COL4A4: variants seen among roughly 807,000 people sequenced by gnomAD.
The protein encoded by COL4A4 is collagen alpha-4(IV) chain.
Under a neutral mutation model 192.9 loss-of-function variants are expected in COL4A4, and 105 were observed. That is an observed-to-expected ratio of 0.54 (90% CI 0.46 to 0.64). COL4A4 has a LOEUF of 0.64. Ranked by LOEUF, COL4A4 falls within the 30% of genes least tolerant of loss-of-function variation. The probability of loss-of-function intolerance (pLI) is 0.00; values close to 1 mark genes in which losing one functional copy is unlikely to be tolerated. For missense variants in COL4A4, 1,967 were observed against 2,169.3 expected, an observed-to-expected ratio of 0.91 and a Z score of 1.85; for synonymous variants, 762 against 769.9, an observed-to-expected ratio of 0.99 and a Z score of 0.17.
At position 227,057,565 on chromosome 2, in the gene COL4A4, C is replaced by G; in HGVS notation, c.2419G>C (p.Gly807Arg). 2 of 1,614,122 alleles carry G rather than the reference C, an allele frequency of 1.2e-6. No homozygotes were observed. Among genetic ancestry groups the G allele is most frequent in the Non-Finnish European group, 1.7e-6 (2 of 1,180,026 alleles). ...GCATGTCCCTCTCTGCCTTTGGGACCTTTGAGACCTAGGAATCCAGGAATG... is the reference window on the plus strand; with the variant it reads ...GCATGTCCCTCTCTGCCTTTGGGACGTTTGAGACCTAGGAATCCAGGAATG... Reference protein sequence around the residue: ...AGIPGFLGLKGPKGREGHAGF... With the variant: ...AGIPGFLGLKRPKGREGHAGF... The change falls in exon 29 of 48, where the codon GGT becomes CGT. Residue 807 changes from glycine to arginine, a missense_variant. Physicochemically the swap from Gly to Arg is moderately radical, Grantham distance 125. Transcript: ENST00000396625.
At chr2:227,141,659 T>C (rs1329145324) in intron 3 of COL4A4, among the ~76,000 whole-genome samples, 1 of 152,186 alleles carries the variant, frequency 6.6e-6, no homozygotes, top group Non-Finnish European at 1.5e-5. Context: ...ATTAAAAGCA[T>C]ACAAGAATTT....
chr2:227,024,372 T>A (rs977967136), intron 43 of COL4A4, among the ~76,000 whole-genome samples: 1 of 151,916 alleles, frequency 6.6e-6, no homozygotes, highest in Admixed American at 6.6e-5. Context: ...ATTAGCCAGG[T>A]GTGGTGGCAC....
At chr2:227,047,345 T>A in intron 35 of COL4A4, 130 bp downstream of exon 35, 1 of 731,772 alleles carries the variant, frequency 1.4e-6, no homozygotes, top group Non-Finnish European at 2.5e-6. Flanking sequence ...ATATAACCCG[T>A]TTTATCTATA....
At chr2:227,067,451 G>T (rs2058418421) in intron 25 of COL4A4, among the ~76,000 whole-genome samples, 1 of 152,020 alleles carries the variant, frequency 6.6e-6, no homozygotes, top group African/African-American at 2.4e-5. Flanking sequence ...TTCCAAAATT[G>T]ACCACATACT....
chr2:227,022,191 G>A lies in COL4A4; in HGVS notation c.4091-18C>T, dbSNP rs368900542. Reference sequence around the variant, plus strand: ...CGGTTCACCTGAAATTGGAATCACCGCTTGTGTAATGGATGCACGTGCTTA... The same window carrying A: ...CGGTTCACCTGAAATTGGAATCACCACTTGTGTAATGGATGCACGTGCTTA... On this transcript the variant is annotated intron_variant, in intron 43 of 47. Transcript: ENST00000396625. 39 of 1,613,826 alleles carry A rather than the reference G, an allele frequency of 2.4e-5. No homozygotes were observed. Among genetic ancestry groups the A allele is most frequent in the Middle Eastern group, 3.3e-4 (2 of 6,084 alleles).
rs80243096 is a variant in COL4A4, at chr2:227,052,374, T to C, written c.2899A>G (p.Ile967Val). The C allele has an allele frequency of 8.0e-3, 12,846 of 1,612,552 alleles. 107 individuals carry two copies. The highest frequency in any genetic ancestry group is 0.046 in the African/African-American group (3,427 of 74,988). The change falls in exon 32 of 48, where the codon ATC (isoleucine) becomes GTC (valine). Residue 967 changes from isoleucine to valine, a missense_variant. By Grantham distance (29) the Ile-to-Val change is conservative. Transcript: ENST00000396625. ...GPPGDEGEMAIISQKGTPGEP... is the reference protein window; with the variant it reads ...GPPGDEGEMAVISQKGTPGEP... ...CCAGGTGTTCCCTTTTGTGAAATGATAGCCATTTCTCCTTCATCTCCGGGA... is the reference window on the plus strand; with the variant it reads ...CCAGGTGTTCCCTTTTGTGAAATGACAGCCATTTCTCCTTCATCTCCGGGA...
At chr2:226,978,090 A>G in the COL4A4 span, among the ~76,000 whole-genome samples, 5 of 152,100 alleles carry the variant, frequency 3.3e-5, no homozygotes, top group African/African-American at 1.2e-4. Flanking sequence ...TTCTACTGTG[A>G]GATAATTATC....
intron 25 of COL4A4, among the ~76,000 whole-genome samples, chr2:227,076,826 G>T (rs1399181830): frequency 1.3e-5 from 2 of 152,100 alleles, no homozygotes; most frequent in Non-Finnish European, 2.9e-5. Context: ...GTGGGTGAAG[G>T]ATATGAACAG....
chr2:227,146,031 G>C (rs1184765576), intron 2 of COL4A4, among the ~76,000 whole-genome samples: 1 of 152,206 alleles, frequency 6.6e-6, no homozygotes, highest in Non-Finnish European at 1.5e-5. Context: ...AATAGGATAT[G>C]TTGCATTTTA....
the COL4A4 span, among the ~76,000 whole-genome samples, chr2:226,986,721 C>G: frequency 1.3e-5 from 2 of 152,350 alleles, no homozygotes; most frequent in East Asian, 3.9e-4. Context: ...AATGCTTGTA[C>G]ACTGTTGGTG....
the COL4A4 span, among the ~76,000 whole-genome samples, chr2:226,975,607 T>G: frequency 2.0e-5 from 3 of 152,136 alleles, no homozygotes; most frequent in Non-Finnish European, 2.9e-5. Context: ...GGAATCTGCT[T>G]GGATTTAAAG....
chr2:227,008,419 C>T (rs1326980446), intron 46 of COL4A4, 115 bp from the exon 47 acceptor site: 6 of 1,191,266 alleles, frequency 5.0e-6, no homozygotes, highest in South Asian at 2.6e-5. Flanking sequence ...TGGAGGCCCT[C>T]GCCAAAGCCT....
At chr2:226,978,389 T>G in the COL4A4 span, among the ~76,000 whole-genome samples, 2 of 152,162 alleles carry the variant, frequency 1.3e-5, no homozygotes, top group African/African-American at 4.8e-5. Context: ...GAAACATGTG[T>G]GTACTGGTGT....
At position 227,057,548 on chromosome 2, in the gene COL4A4, C is replaced by T. The variant is rs1331695045; in HGVS notation, c.2436G>A (p.Glu812=). The T allele has an allele frequency of 3.1e-6, 5 of 1,613,994 alleles. No individual in the cohort carries two copies. In the East Asian group the frequency reaches 1.1e-4, roughly 36 times the overall value. The stretch of plus-strand genomic sequence containing the variant: ...GGACACCTGGAAACCCAGCATGTCC[C>T]TCTCTGCCTTTGGGACCTTTGAGAC... ...FLGLKGPKGR[E]GHAGFPGVPG... Residue 812 remains glutamate (E), a synonymous_variant, in exon 29 of 48, where the codon GAG becomes GAA. Coordinates refer to ENST00000396625, the MANE Select transcript of COL4A4 (RefSeq NM_000092.5).
At chr2:227,045,951 G>GTATA (rs1266576511) in intron 35 of COL4A4, among the ~76,000 whole-genome samples, 6 of 74,010 alleles carry the variant, frequency 8.1e-5, no homozygotes, top group African/African-American at 4.3e-4. Context: ...ATGTATATAT[G>GTATA]TATATATGTA....
chr2:227,069,857 A>T (rs1202477564), intron 25 of COL4A4, among the ~76,000 whole-genome samples: 7 of 149,948 alleles, frequency 4.7e-5, no homozygotes, highest in African/African-American at 7.4e-5. Context: ...ACAAAAGACA[A>T]AATTGACAAA....
intron 18 of COL4A4, 60 bp downstream of exon 18, chr2:227,099,559 TC>T: frequency 6.8e-7 from 1 of 1,462,866 alleles, no homozygotes; most frequent in South Asian, 1.1e-5. Context: ...GACTCTTCTG[TC>T]CTGGCCACTC....
At chr2:227,053,441 T>G (rs1056017853) in intron 31 of COL4A4, among the ~76,000 whole-genome samples, 13 of 152,052 alleles carry the variant, frequency 8.5e-5, no homozygotes, top group Admixed American at 7.2e-4. Flanking sequence ...GCCACAGGAC[T>G]AAGGAGTAGG....
intron 47 of COL4A4, 117 bp from the exon 48 acceptor site, chr2:227,007,705 AAAG>A: frequency 2.2e-6 from 3 of 1,381,972 alleles, no homozygotes; most frequent in Non-Finnish European, 3.0e-6. Context: ...ATTATTCCAT[AAAG>A]AACAAAATAC....
Sources: gnomAD v4.1 joint callset for allele counts (sites outside exome capture counted in the v4.1 genomes callset) on GRCh38, gnomAD v4.1.1 for gene constraint, MANE v1.5 for transcripts, NCBI Gene and HGNC (gene_info 2026-07-23, HGNC 2026-07-21) for gene names.